Variants in PDE4B observed in about 807,000 individuals in gnomAD.
PDE4B encodes phosphodiesterase 4B, also known as 3',5'-cyclic-AMP phosphodiesterase 4B.
Under a neutral mutation model 82.2 loss-of-function variants are expected in PDE4B, and 20 were observed. That is an observed-to-expected ratio of 0.24 (90% CI 0.17 to 0.35). PDE4B has a LOEUF of 0.35. Among genes scored for constraint, PDE4B ranks in the 10% least tolerant of loss-of-function variants. The pLI, the probability that PDE4B is intolerant of heterozygous loss-of-function variation, is 1.00. For synonymous variants in PDE4B, 320 were observed against 318.9 expected (o/e 1.00, Z -0.04); for missense variants, 655 against 907.2 (o/e 0.72, Z 3.57).
chr1:66,085,359 G>A (rs116154037), intron 3 of PDE4B, among the ~76,000 whole-genome samples: 7 of 152,284 alleles, frequency 4.6e-5, no homozygotes, highest in Non-Finnish European at 7.4e-5. Context: ...GTGGGACTTA[G>A]AGGAATAGAC....
intron 7 of PDE4B, among the ~76,000 whole-genome samples, chr1:66,285,047 C>T (rs565984532): frequency 5.9e-5 from 9 of 152,234 alleles, no homozygotes; most frequent in African/African-American, 2.2e-4. Context: ...GAGCTTTAGC[C>T]TCCTCATCTA....
chr1:65,809,286 G>A (rs1645791983), intron 1 of PDE4B, among the ~76,000 whole-genome samples: 1 of 127,040 alleles, frequency 7.9e-6, no homozygotes, highest in African/African-American at 2.9e-5. Flanking sequence ...AACTGAGATT[G>A]CACCACTGCA....
intron 3 of PDE4B, among the ~76,000 whole-genome samples, chr1:66,226,431 G>A (rs1651458839): frequency 6.6e-6 from 1 of 152,234 alleles, no homozygotes; most frequent in African/African-American, 2.4e-5. Context: ...ATAAGATGAT[G>A]TGGTGTGAAA....
At chr1:66,196,320 G>T (rs115818755) in intron 3 of PDE4B, among the ~76,000 whole-genome samples, 1 of 152,176 alleles carries the variant, frequency 6.6e-6, no homozygotes, top group Non-Finnish European at 1.5e-5. Flanking sequence ...TTTAAAATAG[G>T]AGGATGATGC....
At chr1:66,095,662 A>G (rs891418169) in intron 3 of PDE4B, among the ~76,000 whole-genome samples, 2 of 151,900 alleles carry the variant, frequency 1.3e-5, no homozygotes, top group African/African-American at 2.4e-5. Context: ...CTAGTTCTCT[A>G]TGATATATGA....
intron 1 of PDE4B, among the ~76,000 whole-genome samples, chr1:65,878,487 C>G (rs539031927): frequency 1.2e-4 from 18 of 152,138 alleles, no homozygotes; most frequent in Non-Finnish European, 2.2e-4. Flanking sequence ...CACCCAAATG[C>G]CCATCAATGT....
rs141704617 is a variant in PDE4B, at chr1:66,247,592, A to T, written c.414A>T (p.Ser138=). Residue 138 remains serine, a synonymous_variant, in exon 4 of 17, where the codon TCA becomes TCT. Transcript: ENST00000341517. ...SQRRESFLYR[S]DSDYDLSPKA... ...GCAGAGAGTCATTTCTCTACAGATC[A>T]GACAGCGACTATGACTTGTCACCAA... 485 of 1,609,898 alleles carry T rather than the reference A, an allele frequency of 3.0e-4. No individual in the cohort carries two copies. The African/African-American group carries it at 4.2e-3, about 14-fold the overall frequency.
At chr1:66,087,861 AC>A (rs2100981308) in intron 3 of PDE4B, among the ~76,000 whole-genome samples, 1 of 101,872 alleles carries the variant, frequency 9.8e-6, no homozygotes, top group Admixed American at 1.5e-4. Flanking sequence ...CACTCTGGGG[AC>A]TGTTGTGGGG....
chr1:65,805,105 C>T (rs925216365), intron 1 of PDE4B, among the ~76,000 whole-genome samples: 2 of 151,948 alleles, frequency 1.3e-5, no homozygotes, highest in Non-Finnish European at 2.9e-5. Flanking sequence ...GCTGGGATTA[C>T]AGGCGTGCAC....
chr1:65,827,236 G>T (rs1393268536), intron 1 of PDE4B, among the ~76,000 whole-genome samples: 1 of 151,246 alleles, frequency 6.6e-6, no homozygotes, highest in Non-Finnish European at 1.5e-5. Context: ...GTTGAAAGCT[G>T]GCTTTCAACA....
At chr1:65,830,933 C>T (rs561918878) in intron 1 of PDE4B, among the ~76,000 whole-genome samples, 1 of 152,182 alleles carries the variant, frequency 6.6e-6, no homozygotes, top group South Asian at 2.1e-4. Flanking sequence ...ATCCTTGCAG[C>T]TTTTCTGTCA....
chr1:66,323,212 T>C (rs1374143397), intron 7 of PDE4B, among the ~76,000 whole-genome samples: 1 of 152,122 alleles, frequency 6.6e-6, no homozygotes, highest in Non-Finnish European at 1.5e-5. Flanking sequence ...CTCCTATCAG[T>C]CTTTCCCTGT....
At chr1:66,253,535 A>T (rs1260176746) in intron 4 of PDE4B, among the ~76,000 whole-genome samples, 11 of 152,198 alleles carry the variant, frequency 7.2e-5, no homozygotes, top group Admixed American at 6.5e-4. Flanking sequence ...ATGATTCTGA[A>T]TATCTGGACT....
At chr1:66,178,927 C>T (rs910586951) in intron 3 of PDE4B, among the ~76,000 whole-genome samples, 1 of 152,170 alleles carries the variant, frequency 6.6e-6, no homozygotes, top group African/African-American at 2.4e-5. Flanking sequence ...TCTCGGCTCA[C>T]TGCAACCTCC....
chr1:65,871,335 G>A (rs868357971), intron 1 of PDE4B, among the ~76,000 whole-genome samples: 2 of 152,262 alleles, frequency 1.3e-5, no homozygotes, highest in East Asian at 3.9e-4. Context: ...GTGACACATA[G>A]TTCCTTTTTC....
chr1:66,359,025 G>T (rs1296541098), intron 9 of PDE4B, among the ~76,000 whole-genome samples: 1 of 152,196 alleles, frequency 6.6e-6, no homozygotes, highest in Admixed American at 6.5e-5. Context: ...GGAAATAGAA[G>T]TGTCTAATTT....
chr1:66,229,783 C>A (rs1035486118), intron 3 of PDE4B, among the ~76,000 whole-genome samples: 4 of 152,034 alleles, frequency 2.6e-5, no homozygotes, highest in Non-Finnish European at 4.4e-5. Flanking sequence ...ACTTCTAAAT[C>A]TTTATACATA....
At chr1:66,101,724 G>C (rs1645228680) in intron 3 of PDE4B, among the ~76,000 whole-genome samples, 1 of 152,072 alleles carries the variant, frequency 6.6e-6, no homozygotes, top group South Asian at 2.1e-4. Flanking sequence ...CGTAGATTCT[G>C]GATATTAGCC....
intron 3 of PDE4B, among the ~76,000 whole-genome samples, chr1:66,151,134 A>T (rs1646384434): frequency 6.6e-6 from 1 of 152,148 alleles, no homozygotes; most frequent in African/African-American, 2.4e-5. Flanking sequence ...TAAATGTTGG[A>T]TATAATTCAC....
Sources: gnomAD v4.1 joint callset for allele counts (sites outside exome capture counted in the v4.1 genomes callset) on GRCh38, gnomAD v4.1.1 for gene constraint, MANE v1.5 for transcripts, NCBI Gene and HGNC (gene_info 2026-07-23, HGNC 2026-07-21) for gene names.